GNL3: variants seen among roughly 807,000 people sequenced by gnomAD.
The protein encoded by GNL3 is guanine nucleotide-binding protein-like 3.
GNL3 carries 77 observed loss-of-function variants against 70.6 expected under a neutral mutation model. That is an observed-to-expected ratio of 1.09 (90% CI 0.91 to 1.32). The LOEUF is 1.32. GNL3 is among the 40% of genes most tolerant of loss of function. The pLI is 0.00. For missense variants in GNL3, 634 were observed against 644.0 expected, an observed-to-expected ratio of 0.98 and a Z score of 0.17; for synonymous variants, 252 against 216.1, an observed-to-expected ratio of 1.17 and a Z score of -1.46.
chr3:52,693,723 A>G lies in GNL3; in HGVS notation c.1416A>G (p.Glu472=). 6.2e-7 allele frequency: 1 copy of G among 1,614,016 alleles called. No individual in the cohort carries two copies. Among genetic ancestry groups the G allele is most frequent in the Non-Finnish European group, 8.5e-7 (1 of 1,179,934 alleles). ...TAGAAGAAAAGGACATACATGAAGA[A>G]TTGCCAAAACGGAAAGAAAGGAAGC... ...GIIEEKDIHE[E]LPKRKERKQE... Residue 472 remains glutamate, a synonymous_variant, in exon 13 of 15, where the codon GAA becomes GAG. Coordinates refer to ENST00000418458, the MANE Select transcript of GNL3 (RefSeq NM_014366.5).
rs557767603 is a variant in GNL3, at chr3:52,693,641, G to T, written c.1334G>T (p.Gly445Val). ...TTGCTTTCTTTCCCAGCCATCAAGG[G>T]CCCTCATTTGGCCAATAGCATCCTT... The part of the protein sequence containing the change: ...NNAQSIRAIK[G>V]PHLANSILFQ... The change falls in exon 13 of 15, where the codon GGC becomes GTC. Residue 445 changes from glycine (G) to valine (V), a missense_variant. Gly to Val is a moderately radical substitution (Grantham distance 109, BLOSUM62 -3). Coordinates refer to ENST00000418458, the MANE Select transcript of GNL3 (RefSeq NM_014366.5). 2 of 1,614,022 alleles carry T rather than the reference G, an allele frequency of 1.2e-6. No individual in the cohort carries two copies. Among genetic ancestry groups the T allele is most frequent in the African/African-American group, 1.3e-5 (1 of 75,010 alleles).
Position 52,689,145 on chromosome 3 carries a change from G to C in GNL3, c.480G>C (p.Gln160His), listed in dbSNP as rs774104742. The C allele has an allele frequency of 9.9e-6, 16 of 1,611,444 alleles. No homozygotes were observed. Among genetic ancestry groups the C allele is most frequent in the African/African-American group, 1.3e-5 (1 of 74,988 alleles). Residue 160 changes from glutamine to histidine, a missense_variant, in exon 6 of 15, where the codon CAG becomes CAC. Coordinates refer to ENST00000418458, the MANE Select transcript of GNL3 (RefSeq NM_014366.5). ...ARDPLGCRCP[Q>H]VEEAIVQSGQ... ...ATCCTCTTGGTTGCAGATGTCCTCA[G>C]GTAGAAGAGGCCATTGTCCAGAGTG... is the stretch of plus-strand genomic sequence containing the variant.
At chr3:52,688,007 A>G (rs1191722594) in intron 4 of GNL3, 102 bp from the exon 5 acceptor site, 1 of 736,108 alleles carries the variant, frequency 1.4e-6, no homozygotes, top group Non-Finnish European at 2.5e-6. Flanking sequence ...CATCTTACCT[A>G]TTTAACAACT....
rs199904266 is a variant in GNL3 at position 52,690,733 on chromosome 3, ATTCT to A, written c.654+33_654+36del. On this transcript the variant is annotated intron_variant, in intron 7 of 14. Transcript: ENST00000418458. ...TCCTTTATTAGTGGTAAGAAATGTG[ATTCT>A]TTCAGATTTTGGTTGAAATATGATG... The A allele has an allele frequency of 3.4e-3, 4,479 of 1,335,248 alleles. 195 individuals carry two copies. The Admixed American group carries it at 0.072, about 22-fold the overall frequency. The allele number at this position is 1,335,248 out of a possible 1,614,324, so 82.7% of individuals were successfully genotyped here.
chr3:52,693,858 A>G (rs778636366), intron 13 of GNL3, 51 bp downstream of exon 13: 2 of 1,460,876 alleles, frequency 1.4e-6, no homozygotes, highest in East Asian at 2.3e-5. Flanking sequence ...CTAGCATTAT[A>G]ATACATAATG....
intron 6 of GNL3, 144 bp downstream of exon 6, chr3:52,689,350 C>T (rs745651911): frequency 2.5e-6 from 2 of 811,198 alleles, no homozygotes; most frequent in Admixed American, 1.7e-5. Flanking sequence ...CAGTGCTAGG[C>T]AGTGGGGAGC....
At chr3:52,691,115 A>C (rs1017621557) in intron 8 of GNL3, 44 bp downstream of exon 8, 1 of 1,573,264 alleles carries the variant, frequency 6.4e-7, no homozygotes, top group Non-Finnish European at 8.7e-7. Context: ...GTGTTGAAAT[A>C]GTTAAGAAGT....
At position 52,691,228 on chromosome 3, in the gene GNL3, A is replaced by G. The variant is rs537549243; in HGVS notation, c.781+157A>G. On this transcript the variant is annotated intron_variant, in intron 8 of 14. Coordinates refer to ENST00000418458, the MANE Select transcript of GNL3 (RefSeq NM_014366.5). ...CTTGCTTATACCTTACTGAAAGCAC[A>G]TAACCACACACAATTTAAAGAAAAA... 3.2e-5 allele frequency: 21 copies of G among 653,762 alleles called. No homozygotes were observed. The African/African-American group carries it at 3.3e-4, about 10-fold the overall frequency. 40.5% of individuals were successfully genotyped at this position (653,762 alleles called of 1,614,324 possible). A position where few individuals can be genotyped will look rare whatever the true frequency, so the allele number is the denominator to read the frequency against.
rs142349859 is a variant in GNL3 at position 52,689,192 on chromosome 3, T to C, written c.527T>C (p.Ile176Thr). ...VQSGQKKLVLILNKSDLVPKE... is the reference protein window; with the variant it reads ...VQSGQKKLVLTLNKSDLVPKE... Reference sequence around the variant, plus strand: ...AGTGGACAGAAAAAGCTGGTACTTATATTAAATAAATCAGGTGAGTAAAGA... The same window carrying C: ...AGTGGACAGAAAAAGCTGGTACTTACATTAAATAAATCAGGTGAGTAAAGA... Residue 176 changes from isoleucine (I) to threonine (T), a missense_variant, in exon 6 of 15, where the codon ATA (isoleucine) becomes ACA (threonine). By Grantham distance (89) the Ile-to-Thr change is moderately conservative (BLOSUM62 -1). Coordinates refer to ENST00000418458, the MANE Select transcript of GNL3 (RefSeq NM_014366.5). 21 of 1,613,396 alleles carry C rather than the reference T, an allele frequency of 1.3e-5. No individual in the cohort carries two copies. Among genetic ancestry groups the C allele is most frequent in the African/African-American group, 5.3e-5 (4 of 74,914 alleles).
rs777351749 is a variant in GNL3, at chr3:52,693,522, GAAC to G, written c.1305_1307del (p.Asn436del). 6.2e-7 allele frequency: 1 copy of G among 1,614,118 alleles called. No individual in the cohort carries two copies. The highest frequency in any genetic ancestry group is 1.3e-5 in the African/African-American group (1 of 74,950). On this transcript the variant is annotated inframe_deletion, in exon 12 of 15. Coordinates refer to ENST00000418458, the MANE Select transcript of GNL3 (RefSeq NM_014366.5). Reference sequence around the variant, plus strand: ...GCTTCAATCTGGAAGAACTGGAAAAGAACAATGCACAGAGCATAAGAGGTGAGA... The same window carrying G: ...GCTTCAATCTGGAAGAACTGGAAAAGAATGCACAGAGCATAAGAGGTGAGA...
At position 52,691,533 on chromosome 3, in the gene GNL3, T is replaced by G. The variant is rs1418887766; in HGVS notation, c.782-9T>G. 2.7e-6 allele frequency: 4 copies of G among 1,492,558 alleles called. No individual in the cohort carries two copies. Among genetic ancestry groups the G allele is most frequent in the Non-Finnish European group, 2.8e-6 (3 of 1,073,660 alleles). 92.5% of individuals were successfully genotyped at this position (1,492,558 alleles called of 1,614,324 possible). ...GCTTTTTATATCTGGATTTCCCATT[T>G]ATTTGTAGGTTTCCCAAATGTGGGG... On this transcript the variant is annotated splice_polypyrimidine_tract_variant and intron_variant, in intron 8 of 14. Transcript: ENST00000418458.
rs764566482 is a variant in GNL3 at position 52,687,279 on chromosome 3, G to A, written c.106G>A (p.Ala36Thr). Reference sequence around the variant, plus strand: ...ACATCATCGAAAATTAAGAAAGGAGGCTAAAAAGCGGGGTCACAAGAAGCC... The same window carrying A: ...ACATCATCGAAAATTAAGAAAGGAGACTAAAAAGCGGGGTCACAAGAAGCC... The part of the protein sequence containing the change: ...REHHRKLRKE[A>T]KKRGHKKPRK... Residue 36 changes from alanine (A) to threonine (T), a missense_variant, in exon 3 of 15, where the codon GCT becomes ACT. Ala to Thr is a moderately conservative substitution (Grantham distance 58). Coordinates refer to ENST00000418458, the MANE Select transcript of GNL3 (RefSeq NM_014366.5). The A allele has an allele frequency of 1.2e-6, 2 of 1,613,090 alleles. No individual in the cohort carries two copies. The highest frequency in any genetic ancestry group is 2.2e-5 in the South Asian group (2 of 91,062).
chr3:52,687,151 C>T (rs1309633870), intron 2 of GNL3, 95 bp from the exon 3 acceptor site: 4 of 1,000,398 alleles, frequency 4.0e-6, no homozygotes, highest in Non-Finnish European at 6.1e-6. Context: ...ATTTTATAGG[C>T]ATAACTAAAT....
rs1198931822 is a variant in GNL3 at position 52,693,009 on chromosome 3, C to T, written c.1007C>T (p.Ala336Val). 3 of 1,614,078 alleles carry T rather than the reference C, an allele frequency of 1.9e-6. No individual in the cohort carries two copies. The highest frequency in any genetic ancestry group is 2.5e-6 in the Non-Finnish European group (3 of 1,180,026). Reference sequence around the variant, plus strand: ...ATTGAAGTAGTAAAACCGATGGAGGCTGCCAGTGCCATCCTTTCCCAGGCT... The same window carrying T: ...ATTGAAGTAGTAAAACCGATGGAGGTTGCCAGTGCCATCCTTTCCCAGGCT... ...ASIEVVKPME[A>V]ASAILSQADA... is the part of the protein sequence containing the mutation. Residue 336 changes from alanine to valine, a missense_variant, in exon 10 of 15, where the codon GCT (alanine) becomes GTT (valine). Ala to Val is a moderately conservative substitution (Grantham distance 64). Coordinates refer to ENST00000418458, the MANE Select transcript of GNL3 (RefSeq NM_014366.5).
intron 2 of GNL3, 55 bp from the exon 3 acceptor site, chr3:52,687,191 C>G: frequency 1.4e-6 from 2 of 1,474,496 alleles, no homozygotes; most frequent in Non-Finnish European, 1.9e-6. Flanking sequence ...CACTTGAATT[C>G]TGCTTAAGTA....
rs373161326 is a variant in GNL3, at chr3:52,688,376, G to C, written c.408+184G>C. ...AGGTATTAAGCCTAGTACGACATTAGTTATCTTTCCTGATCCTCTCCCTCC... is the reference window on the plus strand; with the variant it reads ...AGGTATTAAGCCTAGTACGACATTACTTATCTTTCCTGATCCTCTCCCTCC... On this transcript the variant is annotated intron_variant, in intron 5 of 14. Transcript: ENST00000418458. 5.9e-5 allele frequency among the ~76,000 whole-genome samples: 9 copies of C among 152,282 alleles called. No individual in the cohort carries two copies. In the East Asian group the frequency reaches 9.6e-4, roughly 16 times the overall value.
intron 5 of GNL3, among the ~76,000 whole-genome samples, chr3:52,688,405 C>T (rs1022119553): frequency 3.3e-5 from 5 of 152,184 alleles, no homozygotes; most frequent in Admixed American, 1.3e-4. Flanking sequence ...TCCCTCCTCC[C>T]ACCTTTTCAC....
intron 8 of GNL3, chr3:52,691,276 T>C (rs2097326983): frequency 4.9e-6 from 3 of 613,202 alleles, no homozygotes; most frequent in African/African-American, 1.8e-5. Flanking sequence ...TGCTGCCAGA[T>C]TCAGGTTTTT....
At chr3:52,693,584 G>A (rs756481051) in intron 12 of GNL3, 40 bp downstream of exon 12, 33 of 1,613,942 alleles carry the variant, frequency 2.0e-5, no homozygotes, top group Non-Finnish European at 2.7e-5. Flanking sequence ...TCAGCTGACA[G>A]GCCAGTGGAG....
Sources: gnomAD v4.1 joint callset for allele counts (sites outside exome capture counted in the v4.1 genomes callset) on GRCh38, gnomAD v4.1.1 for gene constraint, MANE v1.5 for transcripts, NCBI Gene and HGNC (gene_info 2026-07-23, HGNC 2026-07-21) for gene names.